The following RUNX1 variants were observed in gnomAD, a reference collection of about 807,000 sequenced individuals.
RUNX1 encodes RUNX family transcription factor 1, also known as runt-related transcription factor 1.
A neutral mutation model predicts 42.8 loss-of-function variants in RUNX1; 19 were observed. The observed-to-expected ratio is 0.44, with a 90% CI of 0.31 to 0.65. The LOEUF is 0.65. Among genes scored for constraint, RUNX1 ranks in the 30% least tolerant of loss-of-function variants. The pLI, the probability that RUNX1 is intolerant of heterozygous loss-of-function variation, is 0.07. For missense variants in RUNX1, 528 were observed against 672.0 expected, an observed-to-expected ratio of 0.79 and a Z score of 2.37; for synonymous variants, 271 against 289.4, an observed-to-expected ratio of 0.94 and a Z score of 0.64.
intron 6 of RUNX1, among the ~76,000 whole-genome samples, chr21:34,846,380 C>CT (rs994242644): frequency 7.9e-5 from 12 of 151,590 alleles, no homozygotes; most frequent in Non-Finnish European, 1.5e-4. Flanking sequence ...CAGTCACAAT[C>CT]TTTGTCTTCC....
chr21:34,944,811 T>C (rs1264095199), intron 2 of RUNX1, among the ~76,000 whole-genome samples: 3 of 152,212 alleles, frequency 2.0e-5, no homozygotes, highest in Admixed American at 1.3e-4. Flanking sequence ...GAGAGACAGA[T>C]AGTATAATAA....
At chr21:34,947,554 CTTTTGT>C (rs2058573097) in intron 2 of RUNX1, among the ~76,000 whole-genome samples, 1 of 152,174 alleles carries the variant, frequency 6.6e-6, no homozygotes, top group African/African-American at 2.4e-5. Flanking sequence ...AAGCCCCTGT[CTTTTGT>C]TTTTGTCCAT....
At chr21:34,948,101 G>C (rs531166468) in intron 2 of RUNX1, among the ~76,000 whole-genome samples, 3 of 119,574 alleles carry the variant, frequency 2.5e-5, no homozygotes, top group East Asian at 2.0e-4. Flanking sequence ...TTTTTTTTTT[G>C]GGGGGGGGTT....
intron 4 of RUNX1, among the ~76,000 whole-genome samples, chr21:34,886,638 C>T (rs1311639316): frequency 6.6e-6 from 1 of 152,222 alleles, no homozygotes; most frequent in African/African-American, 2.4e-5. Flanking sequence ...CCTGGGAGGC[C>T]GCCCCAGAAA....
chr21:35,048,991 T>C, intron 1 of RUNX1, 33 bp from the exon 2 acceptor site: 2 of 1,040,240 alleles, frequency 1.9e-6, no homozygotes, highest in East Asian at 2.4e-5. Flanking sequence ...GGTCACTGTT[T>C]CAGCCTCACC....
chr21:34,885,753 T>G (rs1463615353), intron 4 of RUNX1, among the ~76,000 whole-genome samples: 1 of 152,068 alleles, frequency 6.6e-6, no homozygotes, highest in African/African-American at 2.4e-5. Flanking sequence ...TATTTAAACT[T>G]TTTTTTTAGT....
rs542405880 is a variant in RUNX1, at chr21:34,963,175, C to A, written c.59-70212G>T. On this transcript the variant is annotated intron_variant, in intron 2 of 8. Transcript: ENST00000675419. Reference sequence around the variant, plus strand: ...GCACAGAAGAAACGCCCACGAAGAACCTAGGGTGCGAAGGAGCACACTCTT... The same window carrying A: ...GCACAGAAGAAACGCCCACGAAGAAACTAGGGTGCGAAGGAGCACACTCTT... Among the ~76,000 whole-genome samples the A allele has an allele frequency of 8.5e-5, 13 of 152,230 alleles. No homozygotes were observed. The East Asian group carries it at 2.1e-3, about 25-fold the overall frequency.
rs949750383 is a variant in RUNX1, at chr21:34,793,225, G to A, written c.968-615C>T. Among the ~76,000 whole-genome samples, 6 of 152,148 alleles carry A rather than the reference G, an allele frequency of 3.9e-5. No individual in the cohort carries two copies. The East Asian group carries it at 7.7e-4, about 20-fold the overall frequency. On this transcript the variant is annotated intron_variant, in intron 8 of 8. Transcript: ENST00000675419. Reference sequence around the variant, plus strand: ...CCAGGATGCTATGCCCAGGAGGACGGGGATCAGGAGGCTGCTACTGCCCAG... The same window carrying A: ...CCAGGATGCTATGCCCAGGAGGACGAGGATCAGGAGGCTGCTACTGCCCAG...
chr21:34,814,097 G>A (rs2056793370), intron 7 of RUNX1, among the ~76,000 whole-genome samples: 1 of 152,184 alleles, frequency 6.6e-6, no homozygotes, highest in South Asian at 2.1e-4. Flanking sequence ...TTCTGGTGGG[G>A]AACACCTTTG....
At chr21:34,955,813 G>A (rs1331873041) in intron 2 of RUNX1, among the ~76,000 whole-genome samples, 1 of 152,186 alleles carries the variant, frequency 6.6e-6, no homozygotes, top group Non-Finnish European at 1.5e-5. Context: ...TAGTGGTTAG[G>A]AAATGAAATG....
chr21:34,877,594 G>T (rs78134145), intron 5 of RUNX1, among the ~76,000 whole-genome samples: 4,277 of 152,282 alleles, frequency 0.028, 107 homozygotes, highest in Non-Finnish European at 0.044. Context: ...AAAAAGGAGG[G>T]AATGGAAGAA....
intron 7 of RUNX1, among the ~76,000 whole-genome samples, chr21:34,815,953 C>T (rs2145975378): frequency 6.6e-6 from 1 of 152,186 alleles, no homozygotes; most frequent in South Asian, 2.1e-4. Context: ...GCCAGAAAGC[C>T]AAGAAGCATG....
chr21:34,944,107 C>T (rs972128734), intron 2 of RUNX1, among the ~76,000 whole-genome samples: 8 of 152,182 alleles, frequency 5.3e-5, no homozygotes, highest in African/African-American at 1.9e-4. Context: ...CTCCTGGGCT[C>T]AAGTGATCCT....
At position 35,049,124 on chromosome 21, in the gene RUNX1, A is replaced by C. The variant is rs2059421447; in HGVS notation, c.-60+44T>G. 7.5e-6 allele frequency: 4 copies of C among 534,744 alleles called. No individual in the cohort carries two copies. The South Asian group carries it at 8.5e-5, about 11-fold the overall frequency. The allele number at this position is 534,744 out of a possible 1,614,324, so 33.1% of individuals were successfully genotyped here. On this transcript the variant is annotated intron_variant, in intron 1 of 8. Coordinates refer to ENST00000675419, the MANE Select transcript of RUNX1 (RefSeq NM_001754.5). The stretch of plus-strand genomic sequence containing the variant: ...TCAAATTGTTAAAGATTAAAAAAAA[A>C]AAAAAAGCCAGCGCCGCCTTGGCTG...
chr21:34,857,414 C>T (rs1479915930), intron 6 of RUNX1, among the ~76,000 whole-genome samples: 1 of 152,178 alleles, frequency 6.6e-6, no homozygotes, highest in Non-Finnish European at 1.5e-5. Context: ...TTCTGAAGCT[C>T]AATAACTTTG....
At chr21:34,793,584 C>G (rs1194032951) in intron 8 of RUNX1, among the ~76,000 whole-genome samples, 2 of 152,186 alleles carry the variant, frequency 1.3e-5, no homozygotes, top group Non-Finnish European at 2.9e-5. Flanking sequence ...AGTGTCCATC[C>G]ATACTTCGGA....
chr21:34,966,934 C>T (rs1360349515), intron 2 of RUNX1, among the ~76,000 whole-genome samples: 2 of 151,862 alleles, frequency 1.3e-5, no homozygotes, highest in Non-Finnish European at 2.9e-5. Flanking sequence ...CGCAGGGGTC[C>T]TAAGAGTAAG....
intron 2 of RUNX1, among the ~76,000 whole-genome samples, chr21:34,962,484 C>T (rs903903428): frequency 1.3e-5 from 2 of 152,194 alleles, no homozygotes; most frequent in East Asian, 1.9e-4. Flanking sequence ...AGTAAAGGAA[C>T]GACTTATAAA....
intron 2 of RUNX1, chr21:35,038,966 T>C (rs9978908): frequency 1.5e-3 from 530 of 344,144 alleles, no homozygotes; most frequent in African/African-American, 0.011. Context: ...AGGCACATGG[T>C]GGGTGCTTAA....
Sources: gnomAD v4.1 joint callset for allele counts (sites outside exome capture counted in the v4.1 genomes callset) on GRCh38, gnomAD v4.1.1 for gene constraint, MANE v1.5 for transcripts, NCBI Gene and HGNC (gene_info 2026-07-23, HGNC 2026-07-21) for gene names.